The following ATP8A2 variants were observed in gnomAD, a reference collection of about 807,000 sequenced individuals.
ATP8A2 encodes phospholipid-transporting ATPase IB.
A neutral mutation model predicts 165.6 loss-of-function variants in ATP8A2; 100 were observed. The ratio of observed to expected loss-of-function variants is 0.60; its 90% confidence interval spans 0.51 to 0.71. ATP8A2 has a LOEUF of 0.71. Among genes scored for constraint, ATP8A2 ranks in the 30% least tolerant of loss-of-function variants. ATP8A2 has a pLI of 0.00. For synonymous variants in ATP8A2, 543 were observed against 548.8 expected (o/e 0.99, Z 0.15); for missense variants, 1,227 against 1,479.5 (o/e 0.83, Z 2.80).
At chr13:25,528,643 A>T (rs2037916703) in intron 2 of ATP8A2, among the ~76,000 whole-genome samples, 1 of 152,188 alleles carries the variant, frequency 6.6e-6, no homozygotes, top group African/African-American at 2.4e-5. Context: ...GTTGTAAATT[A>T]AAAACCTGCT....
intron 1 of ATP8A2, among the ~76,000 whole-genome samples, chr13:25,402,720 G>T (rs1384986247): frequency 6.6e-6 from 1 of 152,154 alleles, no homozygotes; most frequent in East Asian, 1.9e-4. Flanking sequence ...TGGCCCTGAG[G>T]GCTCCGCCTT....
At chr13:25,405,512 C>T (rs1156787788) in intron 1 of ATP8A2, among the ~76,000 whole-genome samples, 5 of 152,138 alleles carry the variant, frequency 3.3e-5, no homozygotes, top group South Asian at 2.1e-4. Flanking sequence ...TATCCTCCCT[C>T]GCTTCGGACC....
intron 33 of ATP8A2, among the ~76,000 whole-genome samples, chr13:25,879,055 G>A (rs954692678): frequency 1.3e-5 from 2 of 152,170 alleles, no homozygotes; most frequent in Non-Finnish European, 1.5e-5. Flanking sequence ...TTGGTCTATG[G>A]GGCATGTGGA....
Position 25,860,207 on chromosome 13 carries a change from C to T in ATP8A2, c.2969C>T (p.Thr990Ile), listed in dbSNP as rs759194844. ...MKALEHDTVL[T>I]SGHATDYLFV... ...CTTTGTTTTTCAGATACTGTGTTGA[C>T]AAGTGGTCATGCTACCGACTATTTA... The change falls in exon 31 of 37, where the codon ACA becomes ATA. Residue 990 changes from threonine to isoleucine, a missense_variant. Thr to Ile is a moderately conservative substitution (Grantham distance 89). Around this residue, in one of 5 missense-constraint regions of ATP8A2, gnomAD observed 260 missense variants for 245.1 expected, o/e 1.06. Transcript: ENST00000381655. 1.2e-6 allele frequency: 2 copies of T among 1,611,356 alleles called. No individual in the cohort carries two copies.
At chr13:25,660,279 C>T (rs1289962458) in intron 24 of ATP8A2, among the ~76,000 whole-genome samples, 1 of 152,074 alleles carries the variant, frequency 6.6e-6, no homozygotes, top group Non-Finnish European at 1.5e-5. Flanking sequence ...TTCTGAAATT[C>T]ATGTGGAATA....
Position 25,563,407 on chromosome 13 carries a change from C to T in ATP8A2, c.1398-549C>T, listed in dbSNP as rs1048615623. Among the ~76,000 whole-genome samples the T allele has an allele frequency of 1.7e-4, 13 of 78,548 alleles. 1 individual carries two copies. The highest frequency in any genetic ancestry group is 3.3e-4 in the Non-Finnish European group (11 of 33,672). 51.5% of individuals were successfully genotyped at this position (78,548 alleles called of 152,430 possible). A position where few individuals can be genotyped will look rare whatever the true frequency, so the allele number is the denominator to read the frequency against. ...CTGGGCAACAAGGGTGAAATTTCAT[C>T]TCAAAAAAAAAAATTTCAGGAGGGA... On this transcript the variant is annotated intron_variant, in intron 15 of 36. Transcript: ENST00000381655.
intron 25 of ATP8A2, among the ~76,000 whole-genome samples, chr13:25,734,947 G>T (rs1276522794): frequency 6.6e-6 from 1 of 152,014 alleles, no homozygotes; most frequent in African/African-American, 2.4e-5. Flanking sequence ...CCGTGATAAG[G>T]TGTCTAATAG....
Position 25,998,235 on chromosome 13 carries a change from C to G in ATP8A2, c.3378-14296C>G, listed in dbSNP as rs563988510. On this transcript the variant is annotated intron_variant, in intron 35 of 36. Coordinates refer to ENST00000381655, the MANE Select transcript of ATP8A2 (RefSeq NM_016529.6). Reference sequence around the variant, plus strand: ...ATTTCACTGGGTTGGGGATGGAAGTCTAGTCATCCGAAGTGATCTCTGCTG... The same window carrying G: ...ATTTCACTGGGTTGGGGATGGAAGTGTAGTCATCCGAAGTGATCTCTGCTG... 2.6e-5 allele frequency among the ~76,000 whole-genome samples: 4 copies of G among 152,296 alleles called. No individual in the cohort carries two copies. The South Asian group carries it at 8.3e-4, about 32-fold the overall frequency.
intron 35 of ATP8A2, among the ~76,000 whole-genome samples, chr13:25,995,082 C>G (rs1033519584): frequency 1.3e-5 from 2 of 151,924 alleles, no homozygotes; most frequent in East Asian, 3.9e-4. Context: ...AGGAATTGGT[C>G]CATTTCATCT....
At chr13:25,481,121 G>A (rs2036181589) in intron 2 of ATP8A2, among the ~76,000 whole-genome samples, 1 of 136,502 alleles carries the variant, frequency 7.3e-6, no homozygotes, top group Non-Finnish European at 1.6e-5. Flanking sequence ...GTCCAGCTTC[G>A]GCTCGGCATC....
chr13:25,465,679 CTT>C (rs1167139313), intron 1 of ATP8A2, among the ~76,000 whole-genome samples: 1 of 9,042 alleles, frequency 1.1e-4, no homozygotes, highest in African/African-American at 2.6e-4. Context: ...TTCTTTCTTT[CTT>C]TCTTTCTTTC....
intron 1 of ATP8A2, among the ~76,000 whole-genome samples, chr13:25,430,751 C>G (rs2034586792): frequency 6.6e-6 from 1 of 152,094 alleles, no homozygotes; most frequent in South Asian, 2.1e-4. Flanking sequence ...GCGCCCACCA[C>G]CATGCCCAGC....
At chr13:25,987,134 GGAA>G (rs1956293037) in intron 35 of ATP8A2, among the ~76,000 whole-genome samples, 1 of 152,112 alleles carries the variant, frequency 6.6e-6, no homozygotes, top group South Asian at 2.1e-4. Flanking sequence ...GAAAGGACGG[GGAA>G]ATGTAGTTTC....
At position 25,590,706 on chromosome 13, in the gene ATP8A2, G is replaced by A. The variant is rs375534863; in HGVS notation, c.2211+1007G>A. The stretch of plus-strand genomic sequence containing the variant: ...GCAGTATATTTAATATTTATATTTA[G>A]CCAATGCCAGGGGCAGATGGCACGG... On this transcript the variant is annotated intron_variant, in intron 24 of 36. Coordinates refer to ENST00000381655, the MANE Select transcript of ATP8A2 (RefSeq NM_016529.6). Among the ~76,000 whole-genome samples the A allele has an allele frequency of 1.5e-4, 23 of 152,260 alleles. No individual in the cohort carries two copies. The East Asian group carries it at 4.1e-3, about 27-fold the overall frequency.
At chr13:25,435,124 T>TC (rs1193631427) in intron 1 of ATP8A2, among the ~76,000 whole-genome samples, 1 of 142,524 alleles carries the variant, frequency 7.0e-6, no homozygotes, top group East Asian at 2.0e-4. Context: ...TAGGAAATCT[T>TC]TTTTTTTTTT....
chr13:25,480,427 T>G (rs1039215417), intron 2 of ATP8A2, among the ~76,000 whole-genome samples: 2 of 147,248 alleles, frequency 1.4e-5, no homozygotes, highest in African/African-American at 5.1e-5. Flanking sequence ...GAGAGTCTCC[T>G]CCCTTCTCAG....
intron 2 of ATP8A2, among the ~76,000 whole-genome samples, chr13:25,471,273 A>C (rs936307803): frequency 2.7e-5 from 4 of 150,004 alleles, no homozygotes; most frequent in African/African-American, 9.9e-5. Flanking sequence ...TTATCCATTT[A>C]TGCATGCTTA....
intron 2 of ATP8A2, among the ~76,000 whole-genome samples, chr13:25,526,014 G>C (rs896155109): frequency 1.3e-5 from 2 of 151,312 alleles, no homozygotes; most frequent in African/African-American, 4.9e-5. Context: ...TTTCTTCTCT[G>C]TGTATTTTCA....
intron 10 of ATP8A2, among the ~76,000 whole-genome samples, chr13:25,550,178 C>T (rs1262435711): frequency 1.3e-5 from 2 of 151,934 alleles, no homozygotes; most frequent in East Asian, 1.9e-4. Flanking sequence ...TGATGGTGGG[C>T]GCCTGTAGTC....
Sources: allele counts gnomAD v4.1 joint callset (sites outside exome capture counted in the v4.1 genomes callset), GRCh38; gene constraint gnomAD v4.1.1; regional missense constraint gnomAD v4.1.1; transcripts MANE v1.5; gene names NCBI Gene and HGNC (gene_info 2026-07-23, HGNC 2026-07-21).